PRKG1: variants seen among roughly 807,000 people sequenced by gnomAD.
The protein encoded by PRKG1 is cGMP-dependent protein kinase 1.
PRKG1 carries 35 observed loss-of-function variants against 88.1 expected under a neutral mutation model. The ratio of observed to expected loss-of-function variants is 0.40; its 90% CI spans 0.30 to 0.53. The LOEUF is 0.53. Among genes scored for constraint, PRKG1 ranks in the 20% least tolerant of loss-of-function variants. PRKG1 has a pLI of 0.59. For synonymous variants in PRKG1, 303 were observed against 292.5 expected (o/e 1.04, Z -0.37); for missense variants, 540 against 839.8 (o/e 0.64, Z 4.41).
At chr10:52,102,451 T>C in intron 7 of PRKG1, among the ~76,000 whole-genome samples, 1 of 152,046 alleles carries the variant, frequency 6.6e-6, no homozygotes, top group Non-Finnish European at 1.5e-5. Context: ...GCCGTCATCC[T>C]TATAGAAAAA....
intron 2 of PRKG1, among the ~76,000 whole-genome samples, chr10:51,405,157 C>T (rs1316419410): frequency 6.6e-6 from 1 of 152,164 alleles, no homozygotes; most frequent in African/African-American, 2.4e-5. Flanking sequence ...ACTCATCCAT[C>T]ATTCTAAATA....
In PRKG1 at chr10:51,088,658, T is replaced by A. The variant is rs186770683; in HGVS notation, c.311+13757T>A. ...TACATTTTTTCCATATCCATCAGAGTTTGAATTTCTATGTTTTGACTGTTA... is the reference window on the plus strand; with the variant it reads ...TACATTTTTTCCATATCCATCAGAGATTGAATTTCTATGTTTTGACTGTTA... On this transcript the variant is annotated intron_variant, in intron 1 of 17. Transcript: ENST00000373980. 5.9e-5 allele frequency among the ~76,000 whole-genome samples: 9 copies of A among 152,220 alleles called. No homozygotes were observed. In the East Asian group the frequency reaches 1.7e-3, roughly 29 times the overall value.
intron 5 of PRKG1, among the ~76,000 whole-genome samples, chr10:52,008,183 C>T (rs2133163869): frequency 6.6e-6 from 1 of 152,150 alleles, no homozygotes; most frequent in Admixed American, 6.5e-5. Flanking sequence ...TTAGAAAGAT[C>T]TCAAATTAAC....
At chr10:51,122,441 T>A (rs1589168698) in intron 1 of PRKG1, among the ~76,000 whole-genome samples, 1 of 152,182 alleles carries the variant, frequency 6.6e-6, no homozygotes, top group South Asian at 2.1e-4. Flanking sequence ...GTTAGCCCTG[T>A]GTCTTAACCT....
At chr10:52,206,997 C>T (rs1253948968) in intron 9 of PRKG1, among the ~76,000 whole-genome samples, 1 of 152,202 alleles carries the variant, frequency 6.6e-6, no homozygotes, top group African/African-American at 2.4e-5. Flanking sequence ...TGCATTTGCA[C>T]AGATGGTGGC....
At chr10:51,621,359 T>A (rs1839207227) in intron 3 of PRKG1, among the ~76,000 whole-genome samples, 1 of 152,176 alleles carries the variant, frequency 6.6e-6, no homozygotes, top group Non-Finnish European at 1.5e-5. Context: ...TCAAAACTTT[T>A]GCTTTGTGAG....
chr10:51,144,494 G>C (rs1007699035), intron 1 of PRKG1, among the ~76,000 whole-genome samples: 8 of 151,712 alleles, frequency 5.3e-5, no homozygotes, highest in African/African-American at 1.9e-4. Context: ...TATGAATAGT[G>C]GTAATAATAA....
chr10:51,241,821 C>T (rs1290779858), intron 2 of PRKG1, among the ~76,000 whole-genome samples: 1 of 152,054 alleles, frequency 6.6e-6, no homozygotes, highest in Non-Finnish European at 1.5e-5. Flanking sequence ...TCATGCCTGA[C>T]CTGATGAAAA....
At chr10:51,382,026 G>GTT in intron 2 of PRKG1, among the ~76,000 whole-genome samples, 1 of 152,058 alleles carries the variant, frequency 6.6e-6, no homozygotes, top group Non-Finnish European at 1.5e-5. Flanking sequence ...TTTGTTGTTG[G>GTT]TTTTTTTCTC....
intron 1 of PRKG1, among the ~76,000 whole-genome samples, chr10:51,104,770 C>T (rs1288587142): frequency 6.7e-6 from 1 of 150,342 alleles, no homozygotes; most frequent in Non-Finnish European, 1.5e-5. Context: ...GCTCTTGTTG[C>T]CCAGGCTGGA....
chr10:52,165,127 TAAGTA>T (rs1838398967), intron 9 of PRKG1, among the ~76,000 whole-genome samples: 1 of 152,136 alleles, frequency 6.6e-6, no homozygotes, highest in Admixed American at 6.5e-5. Flanking sequence ...ACCAGCCAAA[TAAGTA>T]AATAAGCAAA....
intron 7 of PRKG1, among the ~76,000 whole-genome samples, chr10:52,089,459 A>G (rs1482261722): frequency 6.6e-6 from 1 of 152,156 alleles, no homozygotes; most frequent in African/African-American, 2.4e-5. Flanking sequence ...TCAAGTTGAG[A>G]TTTTTATTTT....
chr10:51,742,343 A>C (rs541002689), intron 3 of PRKG1, among the ~76,000 whole-genome samples: 1 of 152,326 alleles, frequency 6.6e-6, no homozygotes, highest in Admixed American at 6.5e-5. Flanking sequence ...TACTGTAGTA[A>C]TAATGTAGAA....
intron 2 of PRKG1, among the ~76,000 whole-genome samples, chr10:51,210,209 A>G (rs1033210629): frequency 1.4e-4 from 22 of 152,342 alleles, no homozygotes; most frequent in African/African-American, 5.1e-4. Flanking sequence ...CTGCTCCTGA[A>G]TGACTACCGG....
chr10:52,027,343 T>C (rs1263820184), intron 5 of PRKG1, among the ~76,000 whole-genome samples: 1 of 152,102 alleles, frequency 6.6e-6, no homozygotes, highest in Admixed American at 6.5e-5. Flanking sequence ...GGTGAGTGTG[T>C]GTGTTTTCTT....
intron 4 of PRKG1, among the ~76,000 whole-genome samples, chr10:51,823,999 G>A (rs903675220): frequency 2.7e-5 from 4 of 150,366 alleles, no homozygotes; most frequent in Non-Finnish European, 3.0e-5. Context: ...TCAGCCTAAC[G>A]AGTAGCTAGG....
chr10:51,259,411 C>A (rs962546127), intron 2 of PRKG1, among the ~76,000 whole-genome samples: 1 of 152,196 alleles, frequency 6.6e-6, no homozygotes, highest in Admixed American at 6.5e-5. Context: ...AATTTACATA[C>A]ATTGTCTTAT....
intron 4 of PRKG1, among the ~76,000 whole-genome samples, chr10:51,805,214 A>C (rs1839273502): frequency 6.6e-6 from 1 of 152,022 alleles, no homozygotes; most frequent in South Asian, 2.1e-4. Flanking sequence ...TAATTTCCCA[A>C]ATAAAATTCA....
chr10:51,205,845 A>G (rs1838045176), intron 2 of PRKG1, among the ~76,000 whole-genome samples: 1 of 152,104 alleles, frequency 6.6e-6, no homozygotes, highest in African/African-American at 2.4e-5. Context: ...CATTTTTAAA[A>G]ACCTGTTAGA....
Sources: gnomAD v4.1 joint callset for allele counts (sites outside exome capture counted in the v4.1 genomes callset) on GRCh38, gnomAD v4.1.1 for gene constraint, MANE v1.5 for transcripts, NCBI Gene and HGNC (gene_info 2026-07-23, HGNC 2026-07-21) for gene names.